THSD7B: variants seen among roughly 807,000 people sequenced by gnomAD.
The protein encoded by THSD7B is thrombospondin type-1 domain-containing protein 7B.
In THSD7B, 138 loss-of-function variants were observed where a neutral mutation model predicts 213.6. That is an observed-to-expected ratio of 0.65 (90% CI 0.56 to 0.74). THSD7B has a LOEUF of 0.74. Ranked by LOEUF, THSD7B falls within the 30% of genes least tolerant of loss-of-function variation. The probability of loss-of-function intolerance (pLI) is 0.00; values close to 1 mark genes in which losing one functional copy is unlikely to be tolerated. For missense variants in THSD7B, 1,931 were observed against 1,991.5 expected, an observed-to-expected ratio of 0.97 and a Z score of 0.58; for synonymous variants, 742 against 687.0, an observed-to-expected ratio of 1.08 and a Z score of -1.25.
At chr2:137,530,281 T>C (rs1680372250) in intron 15 of THSD7B, among the ~76,000 whole-genome samples, 1 of 152,020 alleles carries the variant, frequency 6.6e-6, no homozygotes, top group Non-Finnish European at 1.5e-5. Context: ...ATGTTTCTTT[T>C]ACCATTAGGA....
chr2:137,579,937 A>G (rs1444650071), intron 17 of THSD7B, among the ~76,000 whole-genome samples: 1 of 152,110 alleles, frequency 6.6e-6, no homozygotes, highest in Non-Finnish European at 1.5e-5. Flanking sequence ...ACTCTTCCAT[A>G]TTTAACCAAA....
chr2:137,164,781 C>CA (rs1486646753), intron 6 of THSD7B, among the ~76,000 whole-genome samples: 1 of 151,890 alleles, frequency 6.6e-6, no homozygotes, highest in African/African-American at 2.4e-5. Flanking sequence ...ATCGCAAGGA[C>CA]AAAAAACCAA....
chr2:137,398,862 C>G (rs981763760), intron 12 of THSD7B, among the ~76,000 whole-genome samples: 27 of 152,228 alleles, frequency 1.8e-4, no homozygotes, highest in Non-Finnish European at 2.9e-5. Context: ...GATATAATCT[C>G]TTGGTGCACC....
At chr2:137,473,722 A>G (rs1304438269) in intron 15 of THSD7B, among the ~76,000 whole-genome samples, 1 of 152,182 alleles carries the variant, frequency 6.6e-6, no homozygotes, top group Non-Finnish European at 1.5e-5. Context: ...CCAGCAGTTT[A>G]CTGTCCTTGC....
At chr2:137,325,768 A>G (rs996870554) in intron 12 of THSD7B, among the ~76,000 whole-genome samples, 6 of 152,196 alleles carry the variant, frequency 3.9e-5, no homozygotes, top group Non-Finnish European at 8.8e-5. Flanking sequence ...AAGTAATTTA[A>G]AATCCTGCTC....
chr2:136,976,726 A>G (rs928783729), intron 2 of THSD7B, among the ~76,000 whole-genome samples: 1 of 151,252 alleles, frequency 6.6e-6, no homozygotes, highest in Non-Finnish European at 1.5e-5. Context: ...GGTTCACGCC[A>G]TTCTCCTGCC....
At position 137,563,207 on chromosome 2, in the gene THSD7B, C is replaced by A; in HGVS notation, c.3139-14C>A. 1 of 1,609,218 alleles carries A rather than the reference C, an allele frequency of 6.2e-7. No individual in the cohort carries two copies. The highest frequency in any genetic ancestry group is 8.5e-7 in the Non-Finnish European group (1 of 1,177,166). On this transcript the variant is annotated splice_polypyrimidine_tract_variant and intron_variant, in intron 15 of 27. Transcript: ENST00000409968. ...TAGTTCCACATAATTTTGTTTCTTT[C>A]CTGTTCTTGACAGGTACATGAGGCA...
At chr2:137,656,513 T>C (rs1475393969) in intron 22 of THSD7B, among the ~76,000 whole-genome samples, 1 of 152,210 alleles carries the variant, frequency 6.6e-6, no homozygotes, top group Non-Finnish European at 1.5e-5. Flanking sequence ...AAAAGTTTTA[T>C]TAACACTAGC....
At chr2:137,124,196 T>C (rs1688594552) in intron 5 of THSD7B, among the ~76,000 whole-genome samples, 1 of 152,240 alleles carries the variant, frequency 6.6e-6, no homozygotes, top group African/African-American at 2.4e-5. Flanking sequence ...ATCTTCATTT[T>C]GTCAGCTGAA....
At chr2:137,651,206 G>GA (rs1553466893) in intron 21 of THSD7B, among the ~76,000 whole-genome samples, 1 of 151,464 alleles carries the variant, frequency 6.6e-6, no homozygotes, top group Admixed American at 6.6e-5. Context: ...CAGAGTCTGG[G>GA]TTTTTTTTCA....
intron 1 of THSD7B, among the ~76,000 whole-genome samples, chr2:136,819,693 C>G (rs909500825): frequency 1.3e-5 from 2 of 152,122 alleles, no homozygotes; most frequent in Non-Finnish European, 2.9e-5. Flanking sequence ...TATGCCCCCC[C>G]CAGTCCAGCT....
intron 7 of THSD7B, among the ~76,000 whole-genome samples, chr2:137,211,131 G>A (rs901147738): frequency 6.6e-6 from 1 of 151,794 alleles, no homozygotes; most frequent in Non-Finnish European, 1.5e-5. Context: ...AAAGGTATCG[G>A]CGTGACCTCA....
chr2:137,130,378 T>C (rs1373905057), intron 5 of THSD7B, among the ~76,000 whole-genome samples: 1 of 151,836 alleles, frequency 6.6e-6, no homozygotes, highest in Non-Finnish European at 1.5e-5. Flanking sequence ...CTCACCTTTT[T>C]ATTATTATTA....
At chr2:136,960,223 G>A (rs1685193060) in intron 2 of THSD7B, among the ~76,000 whole-genome samples, 1 of 152,090 alleles carries the variant, frequency 6.6e-6, no homozygotes. Context: ...CACCTCCCAG[G>A]CTCAAGTGAT....
At chr2:137,381,026 G>GA (rs1314538196) in intron 12 of THSD7B, among the ~76,000 whole-genome samples, 1 of 152,206 alleles carries the variant, frequency 6.6e-6, no homozygotes, top group East Asian at 1.9e-4. Flanking sequence ...TTCCTTGAGT[G>GA]TTTTTCCAAC....
At chr2:137,499,602 T>C (rs541294998) in intron 15 of THSD7B, among the ~76,000 whole-genome samples, 83 of 152,228 alleles carry the variant, frequency 5.5e-4, no homozygotes, top group African/African-American at 1.8e-3. Context: ...CACTGAAAGG[T>C]TTTCATAAGA....
At chr2:137,483,488 A>G (rs1344784355) in intron 15 of THSD7B, among the ~76,000 whole-genome samples, 2 of 152,234 alleles carry the variant, frequency 1.3e-5, no homozygotes, top group Admixed American at 1.3e-4. Flanking sequence ...CTCTGCCAGG[A>G]GCAATGGTTT....
At chr2:137,271,889 T>G (rs1474847447) in intron 10 of THSD7B, among the ~76,000 whole-genome samples, 1 of 152,162 alleles carries the variant, frequency 6.6e-6, no homozygotes, top group Non-Finnish European at 1.5e-5. Flanking sequence ...CACATTAAAG[T>G]GAACATCAGT....
At chr2:137,016,446 T>G (rs761521407) in intron 2 of THSD7B, among the ~76,000 whole-genome samples, 1 of 152,170 alleles carries the variant, frequency 6.6e-6, no homozygotes, top group Non-Finnish European at 1.5e-5. Flanking sequence ...TGAATGGTGG[T>G]GTATATATTC....
Sources: gnomAD v4.1 joint callset for allele counts (sites outside exome capture counted in the v4.1 genomes callset) on GRCh38, gnomAD v4.1.1 for gene constraint, MANE v1.5 for transcripts, NCBI Gene and HGNC (gene_info 2026-07-23, HGNC 2026-07-21) for gene names.